DOCK5: variants seen among roughly 807,000 people sequenced by gnomAD.
DOCK5 encodes the protein dedicator of cytokinesis 5, also known as dedicator of cytokinesis protein 5.
In DOCK5, 142 loss-of-function variants were observed where a neutral mutation model predicts 251.8. That is an observed-to-expected ratio of 0.56 (90% CI 0.49 to 0.65). DOCK5 has a LOEUF of 0.65. Among genes scored for constraint, DOCK5 ranks in the 30% least tolerant of loss-of-function variants. The pLI, the probability that DOCK5 is intolerant of heterozygous loss-of-function variation, is 0.00. For missense variants in DOCK5, 2,111 were observed against 2,312.3 expected, an observed-to-expected ratio of 0.91 and a Z score of 1.79; for synonymous variants, 842 against 835.5, an observed-to-expected ratio of 1.01 and a Z score of -0.13.
At chr8:25,385,650 C>T (rs976211028) in intron 40 of DOCK5, among the ~76,000 whole-genome samples, 1 of 152,108 alleles carries the variant, frequency 6.6e-6, no homozygotes, top group African/African-American at 2.4e-5. Context: ...AGAGTCAAAA[C>T]GAACCAAAAT....
At chr8:25,391,750 C>T (rs749418253) in intron 42 of DOCK5, 146 bp from the exon 43 acceptor site, 5 of 534,710 alleles carry the variant, frequency 9.4e-6, no homozygotes, top group African/African-American at 2.0e-5. Context: ...CTTTCTCAGG[C>T]CTTCATGTGG....
At chr8:25,190,471 C>CT (rs1262705866) in intron 1 of DOCK5, among the ~76,000 whole-genome samples, 3 of 152,044 alleles carry the variant, frequency 2.0e-5, no homozygotes, top group Admixed American at 2.0e-4. Context: ...ATAAAAATCC[C>CT]TGTTTTATTG....
intron 45 of DOCK5, among the ~76,000 whole-genome samples, chr8:25,396,050 A>G (rs1044635467): frequency 1.3e-5 from 2 of 152,156 alleles, no homozygotes; most frequent in Non-Finnish European, 2.9e-5. Context: ...ATGAAGCAGC[A>G]TCTCTGGGGA....
intron 50 of DOCK5, 46 bp downstream of exon 50, chr8:25,408,986 G>C: frequency 6.2e-7 from 1 of 1,612,480 alleles, no homozygotes; most frequent in South Asian, 1.1e-5. Context: ...AGGGAATGGA[G>C]TATGTTTATG....
intron 42 of DOCK5, 103 bp downstream of exon 42, chr8:25,390,390 C>T (rs551713490): frequency 1.5e-5 from 16 of 1,046,352 alleles, no homozygotes; most frequent in Non-Finnish European, 2.0e-5. Flanking sequence ...GAGTATTGCT[C>T]GAAGCCAGGA....
At position 25,415,268 on chromosome 8, in the gene DOCK5, T is replaced by A. The variant is rs1469986114; in HGVS notation, c.*3970T>A. On this transcript the variant is annotated 3_prime_UTR_variant, in exon 52 of 52. Coordinates refer to ENST00000276440, the MANE Select transcript of DOCK5 (RefSeq NM_024940.8). ...CTAAGGCTTCACCAGCCTGGCCCAC[T>A]GTATCTAGACTTTAGGTTCATTTTA... 6.6e-6 allele frequency: 1 copy of A among 152,220 alleles called. No individual in the cohort carries two copies. The highest frequency in any genetic ancestry group is 2.4e-5 in the African/African-American group (1 of 41,458). The allele number at this position is 152,220 out of a possible 1,614,324, so 9.4% of individuals were successfully genotyped here.
At chr8:25,382,639 A>T in intron 39 of DOCK5, 35 bp from the exon 40 acceptor site, 1 of 1,528,398 alleles carries the variant, frequency 6.5e-7, no homozygotes, top group Non-Finnish European at 9.0e-7. Context: ...GTGTACTTAT[A>T]ACCTCCCCTT....
intron 1 of DOCK5, among the ~76,000 whole-genome samples, chr8:25,205,572 C>T (rs994407397): frequency 3.3e-5 from 5 of 152,174 alleles, no homozygotes; most frequent in African/African-American, 4.8e-5. Context: ...AGATTTTTCC[C>T]TCCTCTTTTA....
At chr8:25,375,958 C>T (rs994843540) in intron 37 of DOCK5, 9 of 705,426 alleles carry the variant, frequency 1.3e-5, no homozygotes, top group East Asian at 1.3e-4. Flanking sequence ...AATTAGCAGG[C>T]GTGGTGGCAC....
intron 21 of DOCK5, among the ~76,000 whole-genome samples, chr8:25,335,454 C>T (rs866174826): frequency 6.6e-6 from 1 of 151,900 alleles, no homozygotes; most frequent in South Asian, 2.1e-4. Context: ...CACGCCACTG[C>T]ACTCCATCCT....
chr8:25,305,478 G>A (rs1319995224), intron 11 of DOCK5, among the ~76,000 whole-genome samples: 3 of 151,964 alleles, frequency 2.0e-5, no homozygotes, highest in Non-Finnish European at 4.4e-5. Flanking sequence ...GAGGGAGGCC[G>A]TTTTAAAGAT....
At chr8:25,197,441 A>G (rs951175051) in intron 1 of DOCK5, among the ~76,000 whole-genome samples, 1 of 152,132 alleles carries the variant, frequency 6.6e-6, no homozygotes, top group Admixed American at 6.5e-5. Context: ...GAATGGGTTC[A>G]TGGTCATTAT....
chr8:25,187,081 G>A (rs1260175182), intron 1 of DOCK5, among the ~76,000 whole-genome samples: 1 of 151,314 alleles, frequency 6.6e-6, no homozygotes, highest in East Asian at 2.0e-4. Context: ...TGTGCCTGTG[G>A]TTCTAGCTAC....
At chr8:25,402,446 G>C (rs536634892) in intron 47 of DOCK5, among the ~76,000 whole-genome samples, 1 of 152,126 alleles carries the variant, frequency 6.6e-6, no homozygotes, top group South Asian at 2.1e-4. Flanking sequence ...ACATGTGCCC[G>C]CCACCATGCC....
rs200531725 is a variant in DOCK5, at chr8:25,292,169, A to G, written c.467A>G (p.Asn156Ser). Reference sequence around the variant, plus strand: ...GTCACAGCCAAAATTGATCATGGGAACAGGTAGGTAAACCAGGGATGGCTT... The same window carrying G: ...GTCACAGCCAAAATTGATCATGGGAGCAGGTAGGTAAACCAGGGATGGCTT... The part of the protein sequence containing the change: ...KKVTAKIDHG[N>S]RMLGLDLVVR... Residue 156 changes from asparagine to serine, a missense_variant, in exon 6 of 52, where the codon AAC becomes AGC. Asn to Ser is a conservative substitution (Grantham distance 46). Transcript: ENST00000276440. The G allele has an allele frequency of 5.1e-6, 8 of 1,570,004 alleles. No homozygotes were observed. Among genetic ancestry groups the G allele is most frequent in the Non-Finnish European group, 6.9e-6 (8 of 1,159,076 alleles).
At chr8:25,332,776 A>C in intron 20 of DOCK5, 84 bp downstream of exon 20, 1 of 980,312 alleles carries the variant, frequency 1.0e-6, no homozygotes, top group Non-Finnish European at 1.5e-6. Flanking sequence ...GATTGTGTGA[A>C]TATCTTCTCA....
chr8:25,226,060 A>G (rs529293494), intron 1 of DOCK5, among the ~76,000 whole-genome samples: 104 of 152,340 alleles, frequency 6.8e-4, no homozygotes, highest in African/African-American at 2.3e-3. Context: ...ATTTTACAAC[A>G]ATTGAAAATT....
intron 13 of DOCK5, among the ~76,000 whole-genome samples, chr8:25,313,868 A>C (rs915322213): frequency 2.0e-5 from 3 of 152,194 alleles, no homozygotes; most frequent in Non-Finnish European, 4.4e-5. Context: ...CCCTATCTCC[A>C]AATACAGTCA....
At chr8:25,394,414 A>G (rs1308976817) in intron 44 of DOCK5, among the ~76,000 whole-genome samples, 13 of 151,812 alleles carry the variant, frequency 8.6e-5, no homozygotes, top group Admixed American at 7.9e-4. Context: ...CTGAATCTGT[A>G]CTGTGTCTCA....
Sources: allele counts gnomAD v4.1 joint callset (sites outside exome capture counted in the v4.1 genomes callset), GRCh38; gene constraint gnomAD v4.1.1; transcripts MANE v1.5; gene names NCBI Gene and HGNC (gene_info 2026-07-23, HGNC 2026-07-21).